Variants in ATP10A observed in about 807,000 individuals in gnomAD.
ATP10A encodes ATPase phospholipid transporting 10A (putative).
In ATP10A, 111 loss-of-function variants were observed where a neutral mutation model predicts 147.8. The ratio of observed to expected loss-of-function variants is 0.75; its 90% CI spans 0.64 to 0.88. The LOEUF is 0.88. ATP10A is among the 40% of genes least tolerant of loss of function. The probability of loss-of-function intolerance (pLI) is 0.00; values close to 1 mark genes in which losing one functional copy is unlikely to be tolerated. For missense variants in ATP10A, 1,927 were observed against 1,959.0 expected (o/e 0.98, Z 0.31); for synonymous variants, 875 against 841.6 (o/e 1.04, Z -0.69).
intron 7 of ATP10A, 119 bp from the exon 8 acceptor site, chr15:25,718,518 A>G (rs1016933553): frequency 1.9e-5 from 20 of 1,029,832 alleles, no homozygotes; most frequent in Non-Finnish European, 2.8e-5. Flanking sequence ...CACAGGATTC[A>G]CCACCCTTGC....
At chr15:25,826,752 G>C (rs978059799) in intron 1 of ATP10A, among the ~76,000 whole-genome samples, 6 of 152,098 alleles carry the variant, frequency 3.9e-5, no homozygotes, top group African/African-American at 1.4e-4. Context: ...CCTAGATCGT[G>C]CCACTGTACT....
At chr15:25,717,991 C>T (rs1901925832) in intron 8 of ATP10A, among the ~76,000 whole-genome samples, 191 bp downstream of exon 8, 1 of 152,198 alleles carries the variant, frequency 6.6e-6, no homozygotes. Context: ...TGCAAAGGGG[C>T]CATGTCAGTG....
intron 1 of ATP10A, among the ~76,000 whole-genome samples, chr15:25,846,371 C>T (rs1893024780): frequency 6.6e-6 from 1 of 152,184 alleles, no homozygotes; most frequent in South Asian, 2.1e-4. Flanking sequence ...ATAGAACACG[C>T]TTAAGGTTAT....
In ATP10A at chr15:25,761,958, T is replaced by A. The variant is rs148534172; in HGVS notation, c.654+19061A>T. Among the ~76,000 whole-genome samples, 452 of 152,224 alleles carry A rather than the reference T, an allele frequency of 3.0e-3. 2 individuals carry two copies. Among genetic ancestry groups the A allele is most frequent in the African/African-American group, 0.011 (445 of 41,532 alleles). ...GAGATTTGGGTAGGGTGGAATGATA[T>A]GGTTTGGCTGTGTCTCTACCAAAAT... On this transcript the variant is annotated intron_variant, in intron 2 of 20. Transcript: ENST00000555815.
chr15:25,849,737 T>C (rs561852518), intron 1 of ATP10A, among the ~76,000 whole-genome samples: 3 of 152,250 alleles, frequency 2.0e-5, no homozygotes, highest in East Asian at 1.9e-4. Flanking sequence ...CATGGCCTCC[T>C]GGCCCCCAGA....
chr15:25,835,914 C>T (rs558892036), intron 1 of ATP10A, among the ~76,000 whole-genome samples: 3 of 152,130 alleles, frequency 2.0e-5, no homozygotes, highest in Non-Finnish European at 4.4e-5. Flanking sequence ...CCGGGGCTCA[C>T]GCCATTCTCC....
intron 1 of ATP10A, among the ~76,000 whole-genome samples, chr15:25,820,259 C>T (rs189053886): frequency 1.4e-4 from 22 of 152,202 alleles, no homozygotes; most frequent in Admixed American, 5.9e-4. Flanking sequence ...GGTTTGTCCA[C>T]GGAAGGTAGG....
intron 3 of ATP10A, among the ~76,000 whole-genome samples, chr15:25,729,562 C>G (rs1393599335): frequency 6.6e-6 from 1 of 152,164 alleles, no homozygotes; most frequent in Non-Finnish European, 1.5e-5. Flanking sequence ...CTGTGAGTGT[C>G]CCCTGCAGGA....
At chr15:25,823,338 C>T (rs1223189324) in intron 1 of ATP10A, among the ~76,000 whole-genome samples, 2 of 152,156 alleles carry the variant, frequency 1.3e-5, no homozygotes. Flanking sequence ...CACACACAAC[C>T]TCATTTAATT....
At chr15:25,786,410 A>C (rs1890160729) in intron 1 of ATP10A, among the ~76,000 whole-genome samples, 1 of 152,160 alleles carries the variant, frequency 6.6e-6, no homozygotes, top group Non-Finnish European at 1.5e-5. Flanking sequence ...CCATGAAGGC[A>C]GACAGTCCTC....
At chr15:25,709,165 C>A (rs1901235603) in intron 10 of ATP10A, 1 of 152,138 alleles carries the variant, frequency 6.6e-6, no homozygotes, top group Admixed American at 6.5e-5. Context: ...TAAACAGATA[C>A]ACAGCATATC....
chr15:25,832,686 T>A (rs1308441589), intron 1 of ATP10A, among the ~76,000 whole-genome samples: 1 of 151,266 alleles, frequency 6.6e-6, no homozygotes, highest in Non-Finnish European at 1.5e-5. Context: ...AGAAAGGAAA[T>A]GAAAAGAGTA....
chr15:25,687,582 A>T, intron 16 of ATP10A, 121 bp downstream of exon 16: 1 of 467,848 alleles, frequency 2.1e-6, no homozygotes, highest in Non-Finnish European at 2.8e-6. Flanking sequence ...CAGGCGAAGG[A>T]GGATGGAGCA....
chr15:25,856,108 A>G (rs1893504324), intron 1 of ATP10A, among the ~76,000 whole-genome samples: 1 of 152,234 alleles, frequency 6.6e-6, no homozygotes. Flanking sequence ...AGAATTTTAG[A>G]AAGCTAACTG....
intron 8 of ATP10A, among the ~76,000 whole-genome samples, chr15:25,717,828 G>A (rs1322621378): frequency 6.6e-6 from 1 of 152,230 alleles, no homozygotes; most frequent in Non-Finnish European, 1.5e-5. Flanking sequence ...ATTTGGGCTC[G>A]TCTAATTAAA....
In ATP10A at chr15:25,683,443, A is replaced by T. The variant is rs1212325664; in HGVS notation, c.3335T>A (p.Phe1112Tyr). Residue 1112 changes from phenylalanine (F) to tyrosine (Y), a missense_variant, in exon 17 of 21, where the codon TTC becomes TAC. Transcript: ENST00000555815. Reference sequence around the variant, plus strand: ...CTGGTCAATCATGGTAGATGCAGAGAAGCCACAGAAAAACTGGAACCAAAA... The same window carrying T: ...CTGGTCAATCATGGTAGATGCAGAGTAGCCACAGAAAAACTGGAACCAAAA... ...LLFWFQFFCGFSASTMIDQWY... is the reference protein window; with the variant it reads ...LLFWFQFFCGYSASTMIDQWY... The T allele has an allele frequency of 1.2e-6, 2 of 1,614,110 alleles. No homozygotes were observed. Among genetic ancestry groups the T allele is most frequent in the East Asian group, 2.2e-5 (1 of 44,886 alleles).
intron 19 of ATP10A, among the ~76,000 whole-genome samples, 161 bp from the exon 20 acceptor site, chr15:25,680,469 C>T (rs1047491684): frequency 2.0e-5 from 3 of 152,128 alleles, no homozygotes; most frequent in African/African-American, 7.2e-5. Flanking sequence ...CTCAATGAGG[C>T]CTCCAGAACC....
chr15:25,839,937 G>A (rs1248994121), intron 1 of ATP10A, among the ~76,000 whole-genome samples: 3 of 152,026 alleles, frequency 2.0e-5, no homozygotes, highest in South Asian at 2.1e-4. Flanking sequence ...GTGTGTGTGC[G>A]CATGTGCATC....
intron 1 of ATP10A, among the ~76,000 whole-genome samples, chr15:25,820,464 CA>C (rs1189093481): frequency 2.0e-5 from 3 of 152,128 alleles, no homozygotes; most frequent in African/African-American, 7.2e-5. Flanking sequence ...GACAGAAGAG[CA>C]ATCCCAACTA....
Sources: allele counts gnomAD v4.1 joint callset (sites outside exome capture counted in the v4.1 genomes callset), GRCh38; gene constraint gnomAD v4.1.1; transcripts MANE v1.5; gene names NCBI Gene and HGNC (gene_info 2026-07-23, HGNC 2026-07-21).